MAEA: variants seen among roughly 807,000 people sequenced by gnomAD.
MAEA encodes macrophage erythroblast attacher, E3 ubiquitin ligase.
MAEA carries 22 observed loss-of-function variants against 46.2 expected under a neutral mutation model. The ratio of observed to expected loss-of-function variants is 0.48; its 90% CI spans 0.34 to 0.68. The LOEUF (loss-of-function observed/expected upper bound fraction) is 0.68, where lower values mean the gene tolerates loss of function less well. MAEA is among the 30% of genes least tolerant of loss of function. MAEA has a pLI of 0.01. For synonymous variants in MAEA, 246 were observed against 222.6 expected, an observed-to-expected ratio of 1.11 and a Z score of -0.94; for missense variants, 393 against 558.1, an observed-to-expected ratio of 0.70 and a Z score of 2.98.
chr4:1,303,354 A>G (rs1400790016), intron 1 of MAEA, among the ~76,000 whole-genome samples: 1 of 146,018 alleles, frequency 6.8e-6, no homozygotes, highest in Non-Finnish European at 1.5e-5. Context: ...GTGAGCTGAG[A>G]TCGCACTACT....
intron 1 of MAEA, among the ~76,000 whole-genome samples, chr4:1,308,925 G>A (rs927914463): frequency 6.6e-6 from 1 of 152,100 alleles, no homozygotes; most frequent in African/African-American, 2.4e-5. Context: ...TCTTTCTGTT[G>A]CCTGTGCTAT....
Position 1,336,864 on chromosome 4 carries a change from C to G in MAEA, c.769C>G (p.Leu257Val), listed in dbSNP as rs758502721. Reference sequence around the variant, plus strand: ...CCCTCTGCTCTCTGTCTTCCAGGACCTTCTGGACCCTGCACGGTGGCGGAT... The same window carrying G: ...CCCTCTGCTCTCTGTCTTCCAGGACGTTCTGGACCCTGCACGGTGGCGGAT... ...PDTHISPYKD[L>V]LDPARWRMLI... Residue 257 changes from leucine to valine, a missense_variant, in exon 7 of 9, where the codon CTT becomes GTT. Leu to Val is a conservative substitution (Grantham distance 32). Coordinates refer to ENST00000303400, the MANE Select transcript of MAEA (RefSeq NM_001017405.3). 6.2e-7 allele frequency: 1 copy of G among 1,613,664 alleles called. No individual in the cohort carries two copies. Among genetic ancestry groups the G allele is most frequent in the South Asian group, 1.1e-5 (1 of 91,046 alleles).
chr4:1,301,267 G>A (rs1446243279), intron 1 of MAEA, among the ~76,000 whole-genome samples: 1 of 152,220 alleles, frequency 6.6e-6, no homozygotes, highest in Non-Finnish European at 1.5e-5. Flanking sequence ...ACCGTGTGGG[G>A]GCAGCGGGCG....
intron 1 of MAEA, among the ~76,000 whole-genome samples, chr4:1,302,837 A>G (rs994673147): frequency 2.6e-5 from 4 of 152,214 alleles, no homozygotes; most frequent in Admixed American, 6.5e-5. Flanking sequence ...AAGATATACA[A>G]ATGGCCACTA....
chr4:1,303,000 A>G (rs1475585212), intron 1 of MAEA, among the ~76,000 whole-genome samples: 4 of 151,972 alleles, frequency 2.6e-5, no homozygotes. Flanking sequence ...CTCGGAAAAC[A>G]ACCTGGCCGT....
chr4:1,290,074 G>A (rs1351854208), intron 1 of MAEA, 92 bp downstream of exon 1: 6 of 947,574 alleles, frequency 6.3e-6, no homozygotes, highest in Non-Finnish European at 8.5e-6. Flanking sequence ...AGGGCCAGCG[G>A]CGAGGGCGGC....
chr4:1,296,792 A>G (rs1734774359), intron 1 of MAEA, among the ~76,000 whole-genome samples: 1 of 152,048 alleles, frequency 6.6e-6, no homozygotes, highest in African/African-American at 2.4e-5. Flanking sequence ...GTCAGTCCAC[A>G]GCGGACCCCA....
chr4:1,323,901 G>C (rs1201382748), intron 4 of MAEA, among the ~76,000 whole-genome samples: 1 of 152,186 alleles, frequency 6.6e-6, no homozygotes, highest in Non-Finnish European at 1.5e-5. Flanking sequence ...GAGTGTGCCT[G>C]GTGTTGGATG....
intron 1 of MAEA, among the ~76,000 whole-genome samples, chr4:1,302,895 G>C (rs934913566): frequency 1.3e-5 from 2 of 152,156 alleles, no homozygotes; most frequent in African/African-American, 4.8e-5. Context: ...CCACAGTGAG[G>C]TGCTGCTTCC....
chr4:1,320,038 A>G (rs189538191), intron 3 of MAEA, among the ~76,000 whole-genome samples: 30 of 151,716 alleles, frequency 2.0e-4, no homozygotes, highest in Non-Finnish European at 1.5e-5. Flanking sequence ...CCAGAAAAGA[A>G]ATCATCAAAG....
chr4:1,314,339 A>G (rs1029750695), intron 2 of MAEA, among the ~76,000 whole-genome samples: 3 of 151,910 alleles, frequency 2.0e-5, no homozygotes, highest in African/African-American at 7.3e-5. Flanking sequence ...AAAAAAATTC[A>G]GAATTTAAAA....
intron 6 of MAEA, chr4:1,335,407 T>C: frequency 1.0e-6 from 1 of 985,466 alleles, no homozygotes; most frequent in Non-Finnish European, 1.2e-6. Context: ...TGTGGCATGT[T>C]GAAATCAGAG....
At chr4:1,291,222 C>G (rs1431609421) in intron 1 of MAEA, among the ~76,000 whole-genome samples, 1 of 152,060 alleles carries the variant, frequency 6.6e-6, no homozygotes, top group Non-Finnish European at 1.5e-5. Context: ...TTTTGGATTC[C>G]AGGACTTAAG....
intron 5 of MAEA, chr4:1,329,822 G>T: frequency 2.0e-6 from 2 of 985,546 alleles, no homozygotes; most frequent in South Asian, 4.7e-5. Context: ...AGGCGGAGAA[G>T]CCTGGCCACA....
intron 4 of MAEA, among the ~76,000 whole-genome samples, chr4:1,326,878 G>A (rs1011818151): frequency 2.0e-5 from 3 of 152,154 alleles, no homozygotes; most frequent in African/African-American, 4.8e-5. Context: ...CCATAACCTC[G>A]GTGCAGGCGC....
intron 3 of MAEA, among the ~76,000 whole-genome samples, chr4:1,320,867 A>G (rs1737997007): frequency 6.6e-6 from 1 of 152,240 alleles, no homozygotes; most frequent in African/African-American, 2.4e-5. Flanking sequence ...CTGGGAGGCC[A>G]AGGTGGGCAG....
chr4:1,290,073 G>A, intron 1 of MAEA, 91 bp downstream of exon 1: 1 of 947,906 alleles, frequency 1.1e-6, no homozygotes, highest in Non-Finnish European at 1.4e-6. Context: ...GAGGGCCAGC[G>A]GCGAGGGCGG....
intron 1 of MAEA, among the ~76,000 whole-genome samples, chr4:1,308,564 C>T (rs74348612): frequency 0.042 from 6,335 of 152,328 alleles, 169 homozygotes; most frequent in Middle Eastern, 0.065. Context: ...CCCGCTGCTC[C>T]GCTTCCTGCC....
intron 6 of MAEA, chr4:1,334,824 C>T: frequency 9.2e-6 from 9 of 977,822 alleles, no homozygotes; most frequent in African/African-American, 1.7e-5. Flanking sequence ...AGTGAGGATG[C>T]CAGGAGCTGT....
Sources: allele counts gnomAD v4.1 joint callset (sites outside exome capture counted in the v4.1 genomes callset), GRCh38; gene constraint gnomAD v4.1.1; transcripts MANE v1.5; gene names NCBI Gene and HGNC (gene_info 2026-07-23, HGNC 2026-07-21).